The following FCHO2 variants were observed in gnomAD, a reference collection of about 807,000 sequenced individuals.
FCHO2 encodes F-BAR domain only protein 2.
FCHO2 carries 43 observed loss-of-function variants against 114.1 expected under a neutral mutation model. That is an observed-to-expected ratio of 0.38 (90% CI 0.30 to 0.49). FCHO2 has a LOEUF of 0.49. Ranked by LOEUF, FCHO2 falls within the 20% of genes least tolerant of loss-of-function variation. The pLI is 0.97. For missense variants in FCHO2, 807 were observed against 950.4 expected, an observed-to-expected ratio of 0.85 and a Z score of 1.98; for synonymous variants, 293 against 315.2, an observed-to-expected ratio of 0.93 and a Z score of 0.75.
At chr5:73,066,984 G>A (rs1742377996) in intron 18 of FCHO2, among the ~76,000 whole-genome samples, 2 of 151,946 alleles carry the variant, frequency 1.3e-5, no homozygotes, top group Non-Finnish European at 2.9e-5. Context: ...GGAATTCATT[G>A]TAATATATTT....
intron 3 of FCHO2, among the ~76,000 whole-genome samples, chr5:72,990,057 G>A (rs112540466): frequency 4.1e-4 from 62 of 151,900 alleles, no homozygotes; most frequent in African/African-American, 1.4e-3. Flanking sequence ...TAAAAATTGG[G>A]CTTTTGCATG....
At chr5:73,074,905 G>A (rs1360317491) in intron 20 of FCHO2, 52 bp downstream of exon 20, 8 of 1,396,724 alleles carry the variant, frequency 5.7e-6, no homozygotes, top group East Asian at 2.5e-5. Flanking sequence ...GTTGGGTGGA[G>A]GAGGTGGTGG....
intron 8 of FCHO2, among the ~76,000 whole-genome samples, chr5:73,019,935 CAGA>C (rs1210950237): frequency 6.6e-6 from 1 of 152,136 alleles, no homozygotes; most frequent in Non-Finnish European, 1.5e-5. Context: ...GCAAGCAACC[CAGA>C]AGACTTGTCT....
intron 5 of FCHO2, among the ~76,000 whole-genome samples, chr5:72,991,183 G>A (rs1238005926): frequency 6.6e-6 from 1 of 152,114 alleles, no homozygotes; most frequent in Non-Finnish European, 1.5e-5. Context: ...TCCTGCCTCA[G>A]CCTCCCAAAT....
chr5:72,972,040 G>C (rs1470692732), intron 2 of FCHO2, among the ~76,000 whole-genome samples: 1 of 151,810 alleles, frequency 6.6e-6, no homozygotes, highest in East Asian at 1.9e-4. Flanking sequence ...TGAGGGCTCT[G>C]TTCTGTTCCA....
At chr5:72,987,976 G>GT (rs1203934155) in intron 2 of FCHO2, among the ~76,000 whole-genome samples, 1 of 152,172 alleles carries the variant, frequency 6.6e-6, no homozygotes, top group Non-Finnish European at 1.5e-5. Context: ...AGGTGGGTCA[G>GT]TGCAAGAGTA....
intron 5 of FCHO2, chr5:72,997,577 G>A: frequency 7.5e-7 from 1 of 1,328,596 alleles, no homozygotes; most frequent in Non-Finnish European, 1.1e-6. Flanking sequence ...GATGCTGGAT[G>A]CCCTCAGGTT....
At chr5:73,068,532 C>G (rs1193417611) in intron 18 of FCHO2, 118 bp from the exon 19 acceptor site, 3 of 994,654 alleles carry the variant, frequency 3.0e-6, no homozygotes, top group Admixed American at 2.9e-5. Flanking sequence ...TACTAAGTTA[C>G]AAGAAACTCA....
Position 73,083,869 on chromosome 5 carries a change from G to T in FCHO2, c.2245+1044G>T, listed in dbSNP as rs1158707803. ...GATGGTGCCCCTGCTCTCCAGCCTG[G>T]GTGACAGAGTGAGACTCTGTCTCAA... On this transcript the variant is annotated intron_variant, in intron 24 of 25. Coordinates refer to ENST00000430046, the MANE Select transcript of FCHO2 (RefSeq NM_138782.3). Among the ~76,000 whole-genome samples, 4 of 149,110 alleles carry T rather than the reference G, an allele frequency of 2.7e-5. No individual in the cohort carries two copies. In the South Asian group the frequency reaches 8.7e-4, roughly 32 times the overall value.
chr5:72,991,752 C>A (rs1753823447), intron 5 of FCHO2, among the ~76,000 whole-genome samples: 1 of 151,974 alleles, frequency 6.6e-6, no homozygotes, highest in African/African-American at 2.4e-5. Context: ...TTTGAAATAT[C>A]CAGTAAAAAA....
At chr5:72,987,557 T>C (rs1287592463) in intron 2 of FCHO2, among the ~76,000 whole-genome samples, 5 of 151,502 alleles carry the variant, frequency 3.3e-5, no homozygotes, top group African/African-American at 1.2e-4. Flanking sequence ...AGGCTGGTCT[T>C]GAACTCCTGA....
At chr5:72,987,143 T>C (rs898662386) in intron 2 of FCHO2, among the ~76,000 whole-genome samples, 2 of 152,160 alleles carry the variant, frequency 1.3e-5, no homozygotes, top group African/African-American at 4.8e-5. Context: ...CCCAAAGTGC[T>C]GGGATTACCG....
At chr5:73,037,275 C>A in intron 10 of FCHO2, 60 bp downstream of exon 10, 2 of 1,290,996 alleles carry the variant, frequency 1.5e-6, no homozygotes, top group South Asian at 3.0e-5. Context: ...AAGAATAAGA[C>A]TTTTGAATTT....
At chr5:72,981,617 A>G (rs948342547) in intron 2 of FCHO2, among the ~76,000 whole-genome samples, 4 of 152,152 alleles carry the variant, frequency 2.6e-5, no homozygotes, top group Admixed American at 2.0e-4. Context: ...ACATAGTCCC[A>G]TATTTCTTGG....
intron 6 of FCHO2, among the ~76,000 whole-genome samples, chr5:73,007,593 T>C (rs966751373): frequency 4.6e-5 from 7 of 152,194 alleles, no homozygotes; most frequent in African/African-American, 1.7e-4. Context: ...AGTGAACAGC[T>C]CATATCTTAG....
At chr5:73,054,596 T>C in intron 15 of FCHO2, 47 bp downstream of exon 15, 1 of 1,388,390 alleles carries the variant, frequency 7.2e-7, no homozygotes, top group Non-Finnish European at 9.9e-7. Context: ...TTAAAATTTA[T>C]AAGGCAATTT....
intron 5 of FCHO2, among the ~76,000 whole-genome samples, chr5:73,000,327 C>T (rs1015762582): frequency 3.5e-4 from 53 of 151,880 alleles, no homozygotes; most frequent in Admixed American, 3.5e-3. Flanking sequence ...CAAAATTAGC[C>T]GAGTATGGTG....
At chr5:72,982,687 G>T (rs942744833) in intron 2 of FCHO2, among the ~76,000 whole-genome samples, 11 of 152,154 alleles carry the variant, frequency 7.2e-5, no homozygotes, top group Admixed American at 5.9e-4. Context: ...GTTCTAAAAA[G>T]TCGTCACCAT....
intron 6 of FCHO2, among the ~76,000 whole-genome samples, chr5:73,011,603 G>A (rs1755017236): frequency 6.6e-6 from 1 of 152,122 alleles, no homozygotes; most frequent in Non-Finnish European, 1.5e-5. Flanking sequence ...TTCAGGGGCA[G>A]TAGCATGCAT....
Sources: gnomAD v4.1 joint callset for allele counts (sites outside exome capture counted in the v4.1 genomes callset) on GRCh38, gnomAD v4.1.1 for gene constraint, MANE v1.5 for transcripts, NCBI Gene and HGNC (gene_info 2026-07-23, HGNC 2026-07-21) for gene names.